The following NALCN variants were observed in gnomAD, a reference collection of about 807,000 sequenced individuals.
The protein encoded by NALCN is sodium leak channel NALCN.
Under a neutral mutation model 225.3 loss-of-function variants are expected in NALCN, and 111 were observed. The ratio of observed to expected loss-of-function variants is 0.49; its 90% CI spans 0.42 to 0.58. The LOEUF (loss-of-function observed/expected upper bound fraction) is 0.58. NALCN is among the 20% of genes least tolerant of loss of function. NALCN has a pLI of 0.00. For synonymous variants in NALCN, 764 were observed against 769.0 expected (o/e 0.99, Z 0.11); for missense variants, 1,378 against 2,202.4 (o/e 0.63, Z 7.49).
At chr13:101,137,830 T>G (rs553025634) in intron 17 of NALCN, among the ~76,000 whole-genome samples, 2 of 152,334 alleles carry the variant, frequency 1.3e-5, no homozygotes, top group East Asian at 1.9e-4. Flanking sequence ...TTGTCTGGTT[T>G]GAGAGGCACA....
intron 1 of NALCN, among the ~76,000 whole-genome samples, chr13:101,404,625 G>A (rs1296197197): frequency 6.6e-6 from 1 of 152,168 alleles, no homozygotes; most frequent in East Asian, 1.9e-4. Context: ...TCTCCAAGAG[G>A]ATATGAATTG....
At chr13:101,250,237 T>C (rs1199455309) in intron 11 of NALCN, among the ~76,000 whole-genome samples, 2 of 152,066 alleles carry the variant, frequency 1.3e-5, no homozygotes, top group Non-Finnish European at 2.9e-5. Context: ...GAGATGTTCT[T>C]AACATCAATT....
Position 101,283,964 on chromosome 13 carries a change from T to C in NALCN, c.1103A>G (p.Lys368Arg). ...GCAGGCTGGGGCGCGTCCCTGGGGC[T>C]TGTTGACATCCACAGCTACCAGCTG... ...GWQLVAVDVN[K>R]PQGRAPACLQ... is the part of the protein sequence containing the mutation. Residue 368 changes from lysine to arginine, a missense_variant, in exon 10 of 44, where the codon AAG becomes AGG. Lys to Arg is a conservative substitution (Grantham distance 26). Coordinates refer to ENST00000251127, the MANE Select transcript of NALCN (RefSeq NM_052867.4). The C allele has an allele frequency of 6.2e-7, 1 of 1,613,784 alleles. No homozygotes were observed. Among genetic ancestry groups the C allele is most frequent in the Non-Finnish European group, 8.5e-7 (1 of 1,179,902 alleles).
Position 101,077,769 on chromosome 13 carries a change from C to T in NALCN, c.3886-1828G>A, listed in dbSNP as rs547422799. On this transcript the variant is annotated intron_variant, in intron 34 of 43. Coordinates refer to ENST00000251127, the MANE Select transcript of NALCN (RefSeq NM_052867.4). ...CAGTTGCAGAAATTTACATAAGTAACGAGGGACTGAATGCTAATCACCAGG... is the reference window on the plus strand; with the variant it reads ...CAGTTGCAGAAATTTACATAAGTAATGAGGGACTGAATGCTAATCACCAGG... 1.9e-4 allele frequency among the ~76,000 whole-genome samples: 29 copies of T among 152,280 alleles called. No individual in the cohort carries two copies. The South Asian group carries it at 3.1e-3, about 16-fold the overall frequency.
At chr13:101,071,624 T>C (rs1594140241) in intron 37 of NALCN, among the ~76,000 whole-genome samples, 1 of 152,226 alleles carries the variant, frequency 6.6e-6, no homozygotes, top group African/African-American at 2.4e-5. Context: ...TAAGGGCATG[T>C]TGTGGCTAGT....
chr13:101,121,104 A>G (rs1483680831), intron 18 of NALCN, among the ~76,000 whole-genome samples: 1 of 152,042 alleles, frequency 6.6e-6, no homozygotes, highest in African/African-American at 2.4e-5. Flanking sequence ...AAGAAAACTG[A>G]GGGTCAGATT....
At chr13:101,280,825 T>C (rs1185484069) in intron 10 of NALCN, among the ~76,000 whole-genome samples, 2 of 151,904 alleles carry the variant, frequency 1.3e-5, no homozygotes, top group African/African-American at 4.8e-5. Context: ...TCTTTCTACA[T>C]CACAGGGTTG....
intron 12 of NALCN, among the ~76,000 whole-genome samples, chr13:101,233,247 C>G (rs1229551584): frequency 6.6e-6 from 1 of 152,048 alleles, no homozygotes; most frequent in African/African-American, 2.4e-5. Context: ...CTGAGTCCTT[C>G]TCTTAAAGGT....
chr13:101,199,197 G>A (rs1377782076), intron 13 of NALCN, among the ~76,000 whole-genome samples: 1 of 151,860 alleles, frequency 6.6e-6, no homozygotes, highest in Non-Finnish European at 1.5e-5. Context: ...TAAATGACAA[G>A]TTAATGGGTA....
chr13:101,113,627 A>G (rs1228950409), intron 18 of NALCN, among the ~76,000 whole-genome samples: 1 of 152,238 alleles, frequency 6.6e-6, no homozygotes, highest in East Asian at 1.9e-4. Flanking sequence ...ATAGATAAGC[A>G]TATACAGTAA....
At chr13:101,314,157 G>A (rs1213014735) in intron 7 of NALCN, among the ~76,000 whole-genome samples, 3 of 115,272 alleles carry the variant, frequency 2.6e-5, no homozygotes, top group Non-Finnish European at 5.0e-5. Flanking sequence ...ACTGGGGACT[G>A]TTGTGGGGTG....
intron 10 of NALCN, among the ~76,000 whole-genome samples, chr13:101,269,856 A>G (rs1293633649): frequency 6.6e-6 from 1 of 152,220 alleles, no homozygotes; most frequent in Non-Finnish European, 1.5e-5. Flanking sequence ...ATACTAGAGT[A>G]AAAATTAAGA....
chr13:101,407,126 A>G (rs780695838), intron 1 of NALCN, among the ~76,000 whole-genome samples: 4 of 152,188 alleles, frequency 2.6e-5, no homozygotes, highest in Non-Finnish European at 5.9e-5. Flanking sequence ...AGTTGTTATG[A>G]TTTGTTTTGT....
chr13:101,216,677 C>T (rs55994343), intron 13 of NALCN, among the ~76,000 whole-genome samples: 4,285 of 152,188 alleles, frequency 0.028, 81 homozygotes, highest in Middle Eastern at 0.051. Flanking sequence ...CTACATCTGA[C>T]AAATAATTTA....
At chr13:101,115,376 G>A (rs2035657584) in intron 18 of NALCN, among the ~76,000 whole-genome samples, 1 of 152,140 alleles carries the variant, frequency 6.6e-6, no homozygotes, top group Admixed American at 6.6e-5. Flanking sequence ...GGCTGTAGCA[G>A]GTGAACTTAG....
intron 6 of NALCN, among the ~76,000 whole-genome samples, chr13:101,355,217 T>A (rs551171990): frequency 6.6e-6 from 1 of 152,232 alleles, no homozygotes; most frequent in East Asian, 1.9e-4. Flanking sequence ...CATGAGCCAA[T>A]TAAACCTTTC....
At chr13:101,208,213 G>A (rs974570843) in intron 13 of NALCN, among the ~76,000 whole-genome samples, 3 of 150,590 alleles carry the variant, frequency 2.0e-5, no homozygotes, top group Admixed American at 1.3e-4. Context: ...AAGAACTCCC[G>A]ACGGGAGGAA....
chr13:101,107,311 C>T (rs979616927), intron 22 of NALCN, among the ~76,000 whole-genome samples, 176 bp downstream of exon 22: 8 of 152,186 alleles, frequency 5.3e-5, no homozygotes, highest in Non-Finnish European at 1.2e-4. Context: ...TAACTACTTG[C>T]GACCTTTGTT....
chr13:101,132,616 T>C (rs1328261336), intron 17 of NALCN, among the ~76,000 whole-genome samples: 2 of 152,058 alleles, frequency 1.3e-5, no homozygotes, highest in African/African-American at 2.4e-5. Flanking sequence ...GTAGGTAAGG[T>C]ATTATTATCT....
Sources: allele counts gnomAD v4.1 joint callset (sites outside exome capture counted in the v4.1 genomes callset), GRCh38; gene constraint gnomAD v4.1.1; transcripts MANE v1.5; gene names NCBI Gene and HGNC (gene_info 2026-07-23, HGNC 2026-07-21).